Variants in R3HDM2 observed in about 807,000 individuals in gnomAD.
The protein encoded by R3HDM2 is R3H domain containing 2, also known as R3H domain-containing protein 2.
In R3HDM2, 38 loss-of-function variants were observed where a neutral mutation model predicts 124.5. That is an observed-to-expected ratio of 0.31 (90% CI 0.24 to 0.40). The LOEUF (loss-of-function observed/expected upper bound fraction) is 0.40. Ranked by LOEUF, R3HDM2 falls within the 10% of genes least tolerant of loss-of-function variation. R3HDM2 has a pLI of 1.00. For synonymous variants in R3HDM2, 391 were observed against 448.0 expected (o/e 0.87, Z 1.61); for missense variants, 869 against 1,236.9 (o/e 0.70, Z 4.46).
chr12:57,325,744 T>A (rs2057223790), intron 2 of R3HDM2, among the ~76,000 whole-genome samples: 1 of 150,892 alleles, frequency 6.6e-6, no homozygotes, highest in East Asian at 2.0e-4. Context: ...GATGGGGGTC[T>A]CCCTATATTG....
At chr12:57,333,200 A>G (rs551091741) in intron 2 of R3HDM2, among the ~76,000 whole-genome samples, 10 of 152,040 alleles carry the variant, frequency 6.6e-5, no homozygotes, top group Admixed American at 6.6e-4. Flanking sequence ...CAATATATAC[A>G]AACAAGCTAG....
intron 1 of R3HDM2, among the ~76,000 whole-genome samples, chr12:57,404,916 A>C (rs996369528): frequency 6.6e-6 from 1 of 152,172 alleles, no homozygotes; most frequent in Non-Finnish European, 1.5e-5. Context: ...TCTATAATTA[A>C]TATGAGACAA....
chr12:57,340,597 A>G (rs1427726624), intron 2 of R3HDM2, among the ~76,000 whole-genome samples: 1 of 152,214 alleles, frequency 6.6e-6, no homozygotes, highest in African/African-American at 2.4e-5. Context: ...ATAGAAAAAT[A>G]AGAATACCTA....
chr12:57,303,052 G>T, intron 4 of R3HDM2, 124 bp downstream of exon 4: 1 of 861,202 alleles, frequency 1.2e-6, no homozygotes. Context: ...CACAATTGGG[G>T]TACAGAGTAC....
intron 1 of R3HDM2, among the ~76,000 whole-genome samples, chr12:57,400,897 G>A (rs533986568): frequency 7.2e-5 from 11 of 152,118 alleles, no homozygotes; most frequent in East Asian, 5.8e-4. Flanking sequence ...GTATTATTAC[G>A]GTAATCTGAA....
intron 10 of R3HDM2, among the ~76,000 whole-genome samples, chr12:57,293,248 T>C (rs948873790): frequency 2.0e-4 from 31 of 152,260 alleles, no homozygotes; most frequent in African/African-American, 7.2e-4. Context: ...AGCATTTTTT[T>C]CCTGAACTTA....
At chr12:57,348,315 C>T (rs1282205164) in intron 2 of R3HDM2, among the ~76,000 whole-genome samples, 1 of 151,890 alleles carries the variant, frequency 6.6e-6, no homozygotes, top group Non-Finnish European at 1.5e-5. Context: ...ACCTGTAATC[C>T]CAACACTTTG....
intron 2 of R3HDM2, among the ~76,000 whole-genome samples, chr12:57,311,468 C>T (rs1045998230): frequency 2.8e-4 from 43 of 152,130 alleles, no homozygotes; most frequent in South Asian, 1.7e-3. Flanking sequence ...TCTCGTGATC[C>T]GCCCGCCTCA....
At chr12:57,321,887 T>C (rs1311040365) in intron 2 of R3HDM2, among the ~76,000 whole-genome samples, 1 of 152,186 alleles carries the variant, frequency 6.6e-6, no homozygotes, top group Non-Finnish European at 1.5e-5. Flanking sequence ...GATTGAAATA[T>C]TCAATTTTAT....
At chr12:57,401,878 G>A (rs1026351239) in intron 1 of R3HDM2, among the ~76,000 whole-genome samples, 4 of 151,800 alleles carry the variant, frequency 2.6e-5, no homozygotes, top group Non-Finnish European at 5.9e-5. Flanking sequence ...CCAGCTACTC[G>A]GGAGGCTGAG....
At chr12:57,371,925 T>C (rs1223501747) in intron 2 of R3HDM2, among the ~76,000 whole-genome samples, 1 of 152,204 alleles carries the variant, frequency 6.6e-6, no homozygotes, top group Non-Finnish European at 1.5e-5. Context: ...TGGAGTGCAA[T>C]GGTGCGGTCT....
chr12:57,429,007 A>G lies in R3HDM2; in HGVS notation c.-106+1713T>C, dbSNP rs547786230. On this transcript the variant is annotated intron_variant, in intron 1 of 23. Transcript: ENST00000402412. ...GGTGATCCACCTGCCTTCGCCTCCC[A>G]AAGTGCTGCGATTACAGCATGAGCC... 2.0e-4 allele frequency among the ~76,000 whole-genome samples: 30 copies of G among 152,148 alleles called. 2 individuals are homozygous for G. Among genetic ancestry groups the G allele is most frequent in the African/African-American group, 7.2e-4 (30 of 41,528 alleles).
intron 14 of R3HDM2, among the ~76,000 whole-genome samples, chr12:57,277,636 C>T (rs1278720513): frequency 2.6e-5 from 4 of 152,068 alleles, no homozygotes; most frequent in Non-Finnish European, 4.4e-5. Context: ...TTAGTAGAGA[C>T]GTTGTTTCAC....
rs569973585 is a variant in R3HDM2 at position 57,311,749 on chromosome 12, T to C, written c.-35-1286A>G. ...TGTAGACATCTGTCCTTCAGAAAGA[T>C]TGGGTCCCTCCCTGGAGGAGGAATC... On this transcript the variant is annotated intron_variant, in intron 2 of 23. Transcript: ENST00000402412. Among the ~76,000 whole-genome samples the C allele has an allele frequency of 4.6e-5, 7 of 152,272 alleles. No individual in the cohort carries two copies. The East Asian group carries it at 5.8e-4, about 13-fold the overall frequency.
intron 1 of R3HDM2, among the ~76,000 whole-genome samples, chr12:57,418,926 C>T (rs541385881): frequency 8.5e-5 from 13 of 152,266 alleles, no homozygotes; most frequent in African/African-American, 3.1e-4. Flanking sequence ...ACTCTAAATC[C>T]AGTATAAGTA....
At chr12:57,269,569 C>T in intron 15 of R3HDM2, 120 bp from the exon 16 acceptor site, 3 of 1,470,502 alleles carry the variant, frequency 2.0e-6, no homozygotes, top group Non-Finnish European at 2.8e-6. Context: ...TATTTTGGAC[C>T]TGCAATTGCA....
chr12:57,398,229 AAG>A (rs1363337784), intron 1 of R3HDM2, among the ~76,000 whole-genome samples: 3 of 151,992 alleles, frequency 2.0e-5, no homozygotes, highest in African/African-American at 2.4e-5. Flanking sequence ...GAAAAAGAAA[AAG>A]AAATATTTTA....
intron 2 of R3HDM2, among the ~76,000 whole-genome samples, chr12:57,369,937 A>G (rs1242689676): frequency 6.6e-6 from 1 of 152,230 alleles, no homozygotes; most frequent in Non-Finnish European, 1.5e-5. Context: ...CCTTCAAAAC[A>G]GAAGGTTAAA....
chr12:57,375,371 G>A (rs556187382), intron 2 of R3HDM2, among the ~76,000 whole-genome samples: 6 of 151,948 alleles, frequency 3.9e-5, no homozygotes, highest in South Asian at 2.1e-4. Flanking sequence ...AAATGGTATC[G>A]AAAAAAATTC....
Sources: allele counts gnomAD v4.1 joint callset (sites outside exome capture counted in the v4.1 genomes callset), GRCh38; gene constraint gnomAD v4.1.1; transcripts MANE v1.5; gene names NCBI Gene and HGNC (gene_info 2026-07-23, HGNC 2026-07-21).